The following BAZ2B variants were observed in gnomAD, a reference collection of about 807,000 sequenced individuals.
The protein encoded by BAZ2B is bromodomain adjacent to zinc finger domain 2B.
A neutral mutation model predicts 246.0 loss-of-function variants in BAZ2B; 91 were observed. That is an observed-to-expected ratio of 0.37 (90% CI 0.31 to 0.44). BAZ2B has a LOEUF of 0.44. BAZ2B is among the 20% of genes least tolerant of loss of function. The pLI is 1.00. For missense variants in BAZ2B, 2,332 were observed against 2,533.7 expected (o/e 0.92, Z 1.71); for synonymous variants, 855 against 860.0 (o/e 0.99, Z 0.10).
At chr2:159,450,549 T>C (rs943590078) in intron 4 of BAZ2B, among the ~76,000 whole-genome samples, 4 of 152,306 alleles carry the variant, frequency 2.6e-5, no homozygotes, top group African/African-American at 9.6e-5. Flanking sequence ...AAATGTCTGA[T>C]ACTATTTCAT....
chr2:159,597,399 A>T (rs1559868660), intron 1 of BAZ2B, among the ~76,000 whole-genome samples: 2 of 152,246 alleles, frequency 1.3e-5, no homozygotes, highest in Admixed American at 6.5e-5. Context: ...TAAAGTGACT[A>T]AATAGCAGAA....
the BAZ2B span, among the ~76,000 whole-genome samples, chr2:159,699,505 C>A: frequency 3.3e-5 from 5 of 151,986 alleles, no homozygotes; most frequent in Admixed American, 3.3e-4. Context: ...CCACTGCACT[C>A]CAGCCTAGGT....
intron 31 of BAZ2B, among the ~76,000 whole-genome samples, chr2:159,343,282 C>T (rs1423120300): frequency 2.6e-5 from 4 of 152,126 alleles, no homozygotes; most frequent in African/African-American, 9.7e-5. Flanking sequence ...AGATGAAAGA[C>T]TTAATGTAAG....
chr2:159,704,802 T>C, the BAZ2B span, among the ~76,000 whole-genome samples: 1 of 151,660 alleles, frequency 6.6e-6, no homozygotes, highest in East Asian at 1.9e-4. Flanking sequence ...TTTTGAGTTC[T>C]CGCCATTCTC....
At chr2:159,514,308 A>ATC (rs1282341493) in intron 2 of BAZ2B, among the ~76,000 whole-genome samples, 3 of 152,212 alleles carry the variant, frequency 2.0e-5, no homozygotes, top group African/African-American at 7.2e-5. Context: ...TACATTGGAT[A>ATC]TCTCTCCTTT....
chr2:159,373,704 T>G (rs982063616), intron 26 of BAZ2B, among the ~76,000 whole-genome samples: 22 of 152,056 alleles, frequency 1.4e-4, no homozygotes, highest in African/African-American at 5.3e-4. Context: ...CGGTGGCACA[T>G]GCCTGTAGTT....
chr2:159,631,974 C>T, the BAZ2B span, among the ~76,000 whole-genome samples: 3 of 152,072 alleles, frequency 2.0e-5, no homozygotes, highest in Admixed American at 2.0e-4. Flanking sequence ...ATCTCATTGT[C>T]CTTTAACAGT....
chr2:159,470,037 T>A (rs1342301308), intron 3 of BAZ2B, among the ~76,000 whole-genome samples: 7 of 152,164 alleles, frequency 4.6e-5, no homozygotes, highest in Admixed American at 6.5e-5. Context: ...CAACAGTGCT[T>A]TATTTCTATA....
In BAZ2B at chr2:159,478,684, G is replaced by A; in HGVS notation, c.36C>T (p.Ala12=). 1 of 1,603,042 alleles carries A rather than the reference G, an allele frequency of 6.2e-7. No individual in the cohort carries two copies. Among genetic ancestry groups the A allele is most frequent in the South Asian group, 1.1e-5 (1 of 89,380 alleles). ...AAGATGAAGTTGGTGTAGTAGAGGA[G>A]GCTGCTGAGGATGGTAACCGTTCTC... ...ESGERLPSSA[A]SSTTPTSSST... Residue 12 remains alanine (A), a synonymous_variant, in exon 3 of 37, where the codon GCC becomes GCT. Transcript: ENST00000392783.
intron 13 of BAZ2B, among the ~76,000 whole-genome samples, chr2:159,422,487 T>C (rs929288142): frequency 6.6e-6 from 1 of 152,104 alleles, no homozygotes; most frequent in Admixed American, 6.5e-5. Context: ...TAACAAGCAA[T>C]GGAGAAAGAA....
chr2:159,349,941 G>A lies in BAZ2B; in HGVS notation c.4630C>T (p.Pro1544Ser), dbSNP rs1412554428. The A allele has an allele frequency of 6.2e-7, 1 of 1,614,114 alleles. No individual in the cohort carries two copies. The highest frequency in any genetic ancestry group is 8.5e-7 in the Non-Finnish European group (1 of 1,179,992). Reference sequence around the variant, plus strand: ...AGCGTTTTTAGTAACTGGTCATTGGGGAGAGGACTGTAGAACTTCCCTGGA... The same window carrying A: ...AGCGTTTTTAGTAACTGGTCATTGGAGAGAGGACTGTAGAACTTCCCTGGA... ...SGPGKFYSPL[P>S]NDQLLKTLTE... The change falls in exon 28 of 37, where the codon CCC becomes TCC. Residue 1544 changes from proline to serine, a missense_variant. Transcript: ENST00000392783.
rs752927056 is a variant in BAZ2B, at chr2:159,446,809, A to T, written c.669T>A (p.Asp223Glu). Residue 223 changes from aspartate (D) to glutamate (E), a missense_variant, in exon 6 of 37, where the codon GAT becomes GAA. This residue lies in a region of BAZ2B where 161 missense variants were observed against 225.8 expected (regional missense o/e 0.71). Coordinates refer to ENST00000392783, the MANE Select transcript of BAZ2B (RefSeq NM_013450.4). ...TATCTTTGATTTTGTCAACTCTAGC[A>T]TCCAAAGGCTGGTTTTTGCTTTGTT... ...NQEQSKNQPL[D>E]ARVDKIKDKK... The T allele has an allele frequency of 1.2e-6, 2 of 1,611,246 alleles. No individual in the cohort carries two copies. The highest frequency in any genetic ancestry group is 2.2e-5 in the South Asian group (2 of 90,574).
chr2:159,329,136 G>GA (rs567964390), intron 34 of BAZ2B, among the ~76,000 whole-genome samples: 1,976 of 73,388 alleles, frequency 0.027, 55 homozygotes, highest in African/African-American at 0.077. Flanking sequence ...GTCTTAATAG[G>GA]AAAAAAAAAA....
chr2:159,647,727 A>C, the BAZ2B span, among the ~76,000 whole-genome samples: 1 of 152,186 alleles, frequency 6.6e-6, no homozygotes, highest in African/African-American at 2.4e-5. Context: ...CGACCAATAA[A>C]ATAAAAAAAT....
At chr2:159,509,772 T>C (rs1301767907) in intron 2 of BAZ2B, among the ~76,000 whole-genome samples, 1 of 152,138 alleles carries the variant, frequency 6.6e-6, no homozygotes, top group Non-Finnish European at 1.5e-5. Context: ...TTTGCATATA[T>C]GTACAAACAT....
Position 159,439,156 on chromosome 2 carries a change from T to C in BAZ2B, c.753A>G (p.Thr251=), listed in dbSNP as rs2072934458. Residue 251 remains threonine, a synonymous_variant, in exon 7 of 37, where the codon ACA becomes ACG. Coordinates refer to ENST00000392783, the MANE Select transcript of BAZ2B (RefSeq NM_013450.4). ...TGCCTTCACTTGAGGTGTCTGATGA[T>C]GTGCCTGAATCACTATCACTGTTGC... The part of the protein sequence containing the change: ...SSSNSDSDSG[T]SSDTSSEGIS... The C allele has an allele frequency of 6.2e-7, 1 of 1,613,942 alleles. No individual in the cohort carries two copies. The highest frequency in any genetic ancestry group is 1.7e-5 in the Admixed American group (1 of 60,004).
chr2:159,349,842 C>T lies in BAZ2B; in HGVS notation c.4729G>A (p.Asp1577Asn), dbSNP rs202069948. The change falls in exon 28 of 37, where the codon GAT (aspartate) becomes AAT (asparagine). Residue 1577 changes from aspartate to asparagine, a missense_variant. Physicochemically the swap from Asp to Asn is conservative, Grantham distance 23. Around this residue, in one of 9 missense-constraint regions of BAZ2B, gnomAD observed 676 missense variants for 668.6 expected, o/e 1.01. Coordinates refer to ENST00000392783, the MANE Select transcript of BAZ2B (RefSeq NM_013450.4). ...PCDDTSLTHA[D>N]MSTASLVTPQ... ...GTCACCAAAGAAGCAGTTGACATAT[C>T]GGCATGAGTAAGTGAAGTGTCATCA... The T allele has an allele frequency of 7.1e-4, 1,152 of 1,614,056 alleles. 2 individuals are homozygous for T. Among genetic ancestry groups the T allele is most frequent in the Non-Finnish European group, 9.2e-4 (1,084 of 1,180,024 alleles).
chr2:159,410,814 T>C (rs927924810), intron 14 of BAZ2B, among the ~76,000 whole-genome samples: 1 of 152,190 alleles, frequency 6.6e-6, no homozygotes, highest in Admixed American at 6.5e-5. Flanking sequence ...AATATATGCT[T>C]AGAAAAGTGT....
At chr2:159,583,403 C>A (rs1483769442) in intron 1 of BAZ2B, among the ~76,000 whole-genome samples, 2 of 152,216 alleles carry the variant, frequency 1.3e-5, no homozygotes, top group Non-Finnish European at 2.9e-5. Context: ...GTGTGAGCCA[C>A]CACATCCAGC....
Sources: gnomAD v4.1 joint callset for allele counts (sites outside exome capture counted in the v4.1 genomes callset) on GRCh38, gnomAD v4.1.1 for gene constraint, gnomAD v4.1.1 regional missense constraint, MANE v1.5 for transcripts, NCBI Gene and HGNC (gene_info 2026-07-23, HGNC 2026-07-21) for gene names.